PLCH1: variants seen among roughly 807,000 people sequenced by gnomAD.
The protein encoded by PLCH1 is phospholipase C eta 1, also known as 1-phosphatidylinositol 4,5-bisphosphate phosphodiesterase eta-1.
PLCH1 carries 60 observed loss-of-function variants against 126.7 expected under a neutral mutation model. That is an observed-to-expected ratio of 0.47 (90% CI 0.38 to 0.59). The LOEUF (loss-of-function observed/expected upper bound fraction) is 0.59, where lower values mean the gene tolerates loss of function less well. Ranked by LOEUF, PLCH1 falls within the 20% of genes least tolerant of loss-of-function variation. PLCH1 has a pLI of 0.00. For missense variants in PLCH1, 1,723 were observed against 2,040.0 expected, an observed-to-expected ratio of 0.84 and a Z score of 2.99; for synonymous variants, 719 against 734.9, an observed-to-expected ratio of 0.98 and a Z score of 0.35.
At chr3:155,593,911 G>A in intron 4 of PLCH1, 30 bp downstream of exon 4, 1 of 1,609,546 alleles carries the variant, frequency 6.2e-7, no homozygotes, top group Non-Finnish European at 8.5e-7. Flanking sequence ...GAGCAAGAGA[G>A]AGCTGAAAAT....
intron 21 of PLCH1, among the ~76,000 whole-genome samples, chr3:155,466,714 T>C (rs1449935739): frequency 6.6e-6 from 1 of 152,172 alleles, no homozygotes; most frequent in Non-Finnish European, 1.5e-5. Context: ...TCAAAATAGC[T>C]GTCTTGAGGA....
At position 155,544,823 on chromosome 3, in the gene PLCH1, T is replaced by G. The variant is rs530533432; in HGVS notation, c.1362+4964A>C. 4.7e-3 allele frequency among the ~76,000 whole-genome samples: 712 copies of G among 151,564 alleles called. 2 individuals are homozygous for G. Among genetic ancestry groups the G allele is most frequent in the Non-Finnish European group, 7.6e-3 (513 of 67,768 alleles). ...AACGAAATGAAGGCAGAAATAAAGA[T>G]GTTCTTTGAAACCAACGAGAATAAA... On this transcript the variant is annotated intron_variant, in intron 10 of 22. Coordinates refer to ENST00000460012, the MANE Select transcript of PLCH1 (RefSeq NM_014996.4).
At chr3:155,452,907 GAAA>G (rs1712343835) in intron 21 of PLCH1, among the ~76,000 whole-genome samples, 1 of 152,128 alleles carries the variant, frequency 6.6e-6, no homozygotes, top group Middle Eastern at 3.2e-3. Context: ...GTGACTAACT[GAAA>G]TATATTGCAA....
chr3:155,523,035 C>T (rs764617635), intron 11 of PLCH1, among the ~76,000 whole-genome samples: 1 of 151,892 alleles, frequency 6.6e-6, no homozygotes, highest in Admixed American at 6.6e-5. Context: ...AGTTCAGTGG[C>T]GCGATCTCGG....
chr3:155,479,183 G>C (rs370703255), downstream of PLCH1, among the ~76,000 whole-genome samples: 2 of 152,066 alleles, frequency 1.3e-5, no homozygotes, highest in African/African-American at 4.8e-5. Context: ...CTATTCTTTG[G>C]CAAGTGAATT....
At chr3:155,694,768 G>A (rs1330060847) in intron 2 of PLCH1, among the ~76,000 whole-genome samples, 1 of 152,122 alleles carries the variant, frequency 6.6e-6, no homozygotes, top group Non-Finnish European at 1.5e-5. Flanking sequence ...GTCAGGAATG[G>A]ACTCTCATAG....
intron 21 of PLCH1, among the ~76,000 whole-genome samples, chr3:155,454,497 A>G (rs1712390888): frequency 1.3e-5 from 2 of 152,180 alleles, no homozygotes; most frequent in South Asian, 2.1e-4. Context: ...AAATAAATAA[A>G]TAAGAAAAAA....
At chr3:155,737,231 CAAAAAAA>C (rs557369057) in intron 1 of PLCH1, among the ~76,000 whole-genome samples, 1 of 59,518 alleles carries the variant, frequency 1.7e-5, no homozygotes, top group Non-Finnish European at 3.2e-5. Flanking sequence ...GCCTCCGTCT[CAAAAAAA>C]AAAAAAAAAA....
intron 21 of PLCH1, among the ~76,000 whole-genome samples, chr3:155,451,796 C>T (rs1712314780): frequency 1.3e-5 from 2 of 152,168 alleles, no homozygotes; most frequent in South Asian, 4.1e-4. Flanking sequence ...GCTTTTGGGC[C>T]TAAATTCAGA....
intron 6 of PLCH1, among the ~76,000 whole-genome samples, chr3:155,570,637 C>T (rs1367409662): frequency 6.6e-6 from 1 of 152,052 alleles, no homozygotes. Flanking sequence ...TTATCCCTGC[C>T]TTGTAGATAG....
chr3:155,716,562 G>A (rs1463530939), intron 1 of PLCH1, among the ~76,000 whole-genome samples: 2 of 152,128 alleles, frequency 1.3e-5, no homozygotes, highest in Admixed American at 6.5e-5. Flanking sequence ...CATCTGACAT[G>A]GCAGGAGCAG....
chr3:155,497,380 C>A lies in PLCH1; in HGVS notation c.1834G>T (p.Glu612Ter). 3.1e-6 allele frequency: 5 copies of A among 1,613,986 alleles called. No individual in the cohort carries two copies. Among genetic ancestry groups the A allele is most frequent in the Non-Finnish European group, 4.2e-6 (5 of 1,179,870 alleles). Reference protein sequence around the residue: ...RRRKTMKLCRELSDLVVYTNS... With the variant: ...RRRKTMKLCR ...GTGTACACAACCAAATCAGAGAGTTCTCGGCAGAGCTTCATGGTTTTCCTT... is the reference window on the plus strand; with the variant it reads ...GTGTACACAACCAAATCAGAGAGTTATCGGCAGAGCTTCATGGTTTTCCTT... Residue 612 changes from glutamate to a stop codon, truncating the protein, a stop_gained, in exon 15 of 23, where the codon GAA becomes TAA. Transcript: ENST00000460012. LOFTEE classifies it high-confidence loss of function.
intron 12 of PLCH1, among the ~76,000 whole-genome samples, chr3:155,505,047 A>T (rs1718449848): frequency 6.6e-6 from 1 of 152,252 alleles, no homozygotes; most frequent in South Asian, 2.1e-4. Context: ...AAAAGTCATT[A>T]GCAGCCAATT....
chr3:155,481,242 T>C lies in PLCH1; in HGVS notation c.4784A>G (p.Lys1595Arg). The C allele has an allele frequency of 6.2e-7, 1 of 1,614,214 alleles. No individual in the cohort carries two copies. The highest frequency in any genetic ancestry group is 8.5e-7 in the Non-Finnish European group (1 of 1,180,034). The change falls in exon 23 of 23, where the codon AAA becomes AGA. Residue 1595 changes from lysine to arginine, a missense_variant. This residue lies in a region of PLCH1 where 947 missense variants were observed against 977.1 expected (regional missense o/e 0.97). Coordinates refer to ENST00000460012, the MANE Select transcript of PLCH1 (RefSeq NM_014996.4). This position sits in a 1 kb window ranked among gnomAD's most constrained non-coding sequence, Gnocchi z 4.2. ...TGCCCCATTGCTGGGGTTTGGAACTTTCTGCTTGTTGGCTTCCTGTTTCTC... is the reference window on the plus strand; with the variant it reads ...TGCCCCATTGCTGGGGTTTGGAACTCTCTGCTTGTTGGCTTCCTGTTTCTC... ...AKEKQEANKQ[K>R]VPNPSNGAGV... is the part of the protein sequence containing the mutation.
At chr3:155,475,285 T>A (rs1713490401), downstream of PLCH1, among the ~76,000 whole-genome samples, 2 of 151,766 alleles carry the variant, frequency 1.3e-5, no homozygotes, top group Admixed American at 6.6e-5. Context: ...ATAATGGAAA[T>A]ATAACTTACC....
chr3:155,625,615 C>T (rs931429433), intron 2 of PLCH1, among the ~76,000 whole-genome samples: 1 of 152,058 alleles, frequency 6.6e-6, no homozygotes, highest in Admixed American at 6.5e-5. Context: ...AGCCAAAAAG[C>T]ATGAAAAAAA....
intron 11 of PLCH1, among the ~76,000 whole-genome samples, chr3:155,519,131 A>T (rs1176139011): frequency 1.3e-5 from 2 of 152,212 alleles, no homozygotes; most frequent in African/African-American, 2.4e-5. Context: ...ATATATTATC[A>T]TTCAGCCCTG....
chr3:155,587,920 A>C (rs566923953), intron 4 of PLCH1, among the ~76,000 whole-genome samples: 9 of 152,346 alleles, frequency 5.9e-5, no homozygotes, highest in Admixed American at 2.6e-4. Context: ...TTGAAGGGTA[A>C]TGGAGAGGAA....
chr3:155,608,179 G>A lies in PLCH1; in HGVS notation c.80-11801C>T, dbSNP rs147478963. On this transcript the variant is annotated intron_variant, in intron 2 of 22. Coordinates refer to ENST00000460012, the MANE Select transcript of PLCH1 (RefSeq NM_014996.4). ...AGGCACTCCCAGTCACCAGCTCCAGGCTAGGGAAGCCATTCTTGACTTTAT... is the reference window on the plus strand; with the variant it reads ...AGGCACTCCCAGTCACCAGCTCCAGACTAGGGAAGCCATTCTTGACTTTAT... Among the ~76,000 whole-genome samples the A allele has an allele frequency of 7.2e-3, 1,091 of 152,282 alleles. 7 individuals carry two copies. Among genetic ancestry groups the A allele is most frequent in the South Asian group, 0.021 (100 of 4,826 alleles).
Sources: allele counts gnomAD v4.1 joint callset (sites outside exome capture counted in the v4.1 genomes callset), GRCh38; gene constraint gnomAD v4.1.1; regional missense constraint gnomAD v4.1.1; non-coding constraint Gnocchi (gnomAD v3.1); transcripts MANE v1.5; gene names NCBI Gene and HGNC (gene_info 2026-07-23, HGNC 2026-07-21).